The following ZCWPW2 variants were observed in gnomAD, a reference collection of about 807,000 sequenced individuals.
The protein encoded by ZCWPW2 is zinc finger CW-type PWWP domain protein 2.
Under a neutral mutation model 46.6 loss-of-function variants are expected in ZCWPW2, and 45 were observed. The observed-to-expected ratio is 0.96, with a 90% CI of 0.76 to 1.24. The LOEUF (loss-of-function observed/expected upper bound fraction) is 1.24. Ranked by LOEUF, ZCWPW2 falls within the 50% of genes most tolerant of loss-of-function variation. The probability of loss-of-function intolerance (pLI) is 0.00; values close to 1 mark genes in which losing one functional copy is unlikely to be tolerated. For synonymous variants in ZCWPW2, 152 were observed against 137.1 expected (o/e 1.11, Z -0.76); for missense variants, 429 against 403.9 (o/e 1.06, Z -0.53).
chr3:28,364,255 A>G (rs1366668624), intron 1 of ZCWPW2, among the ~76,000 whole-genome samples: 4 of 152,220 alleles, frequency 2.6e-5, no homozygotes, highest in Non-Finnish European at 5.9e-5. Context: ...TTCCATTTAT[A>G]GGCATATATC....
intron 4 of ZCWPW2, among the ~76,000 whole-genome samples, chr3:28,437,323 AAATT>A (rs1317015999): frequency 6.6e-6 from 1 of 152,194 alleles, no homozygotes; most frequent in African/African-American, 2.4e-5. Flanking sequence ...TAATTCTTCT[AAATT>A]AATTAACAAC....
At chr3:28,424,194 G>A (rs1175660769) in intron 3 of ZCWPW2, among the ~76,000 whole-genome samples, 1 of 150,050 alleles carries the variant, frequency 6.7e-6, no homozygotes, top group Non-Finnish European at 1.5e-5. Context: ...ATAGGATGTT[G>A]GCTTTCATAG....
intron 3 of ZCWPW2, among the ~76,000 whole-genome samples, chr3:28,430,163 T>G (rs2125757872): frequency 6.6e-6 from 1 of 152,306 alleles, no homozygotes; most frequent in South Asian, 2.1e-4. Context: ...GCCAGCCTGT[T>G]AAAGCAACTG....
chr3:28,448,572 G>C (rs7627778), intron 4 of ZCWPW2, among the ~76,000 whole-genome samples: 3,965 of 151,624 alleles, frequency 0.026, 150 homozygotes, highest in African/African-American at 0.085. Context: ...AACACTTGGG[G>C]CCAGGAGTTC....
chr3:28,399,098 G>T (rs1695820978), intron 2 of ZCWPW2, among the ~76,000 whole-genome samples: 1 of 152,302 alleles, frequency 6.6e-6, no homozygotes, highest in South Asian at 2.1e-4. Flanking sequence ...GTTGCTGGGG[G>T]CATGGTGGGG....
chr3:28,523,242 C>A (rs1700770013), intron 9 of ZCWPW2, among the ~76,000 whole-genome samples: 1 of 152,116 alleles, frequency 6.6e-6, no homozygotes, highest in African/African-American at 2.4e-5. Flanking sequence ...TTCATAAGCA[C>A]TCTGCACCCT....
intron 1 of ZCWPW2, among the ~76,000 whole-genome samples, chr3:28,389,752 T>C (rs566390584): frequency 6.6e-6 from 1 of 152,272 alleles, no homozygotes; most frequent in Non-Finnish European, 1.5e-5. Flanking sequence ...CTCATGCAAT[T>C]GTGGATACTT....
chr3:28,442,634 G>A (rs976870113), intron 4 of ZCWPW2, among the ~76,000 whole-genome samples: 4 of 152,232 alleles, frequency 2.6e-5, no homozygotes, highest in African/African-American at 7.2e-5. Context: ...GGAGAAAAAG[G>A]TATTTGCCAA....
rs1240699809 is a variant in ZCWPW2 at position 28,526,318 on chromosome 3, G to A, written c.*1630G>A. 2.6e-5 allele frequency among the ~76,000 whole-genome samples: 4 copies of A among 152,046 alleles called. No homozygotes were observed. The highest frequency in any genetic ancestry group is 7.2e-5 in the African/African-American group (3 of 41,406). On this transcript the variant is annotated 3_prime_UTR_variant, in exon 10 of 10. Coordinates refer to ENST00000383768, the MANE Select transcript of ZCWPW2 (RefSeq NM_001040432.4). The stretch of plus-strand genomic sequence containing the variant: ...TAATCTACTACTCATCAATATCAGA[G>A]TTCTTTCTTTCTCATTTATAAAATT...
intron 1 of ZCWPW2, among the ~76,000 whole-genome samples, chr3:28,374,348 A>G (rs1705434240): frequency 6.6e-6 from 1 of 152,020 alleles, no homozygotes; most frequent in East Asian, 1.9e-4. Context: ...TAATTAGTCT[A>G]TGGGTCTAGT....
At chr3:28,437,656 C>T (rs1697555819) in intron 4 of ZCWPW2, among the ~76,000 whole-genome samples, 1 of 152,114 alleles carries the variant, frequency 6.6e-6, no homozygotes, top group Non-Finnish European at 1.5e-5. Context: ...ATAAATGGAA[C>T]TATTCATTGA....
intron 2 of ZCWPW2, among the ~76,000 whole-genome samples, chr3:28,404,839 A>G (rs1575097968): frequency 2.0e-5 from 3 of 152,180 alleles, no homozygotes; most frequent in African/African-American, 7.2e-5. Flanking sequence ...GAGGATGCAA[A>G]GGGATAAGAA....
intron 4 of ZCWPW2, among the ~76,000 whole-genome samples, chr3:28,458,415 A>G (rs968617711): frequency 2.0e-5 from 3 of 152,220 alleles, no homozygotes; most frequent in Non-Finnish European, 2.9e-5. Flanking sequence ...TATAGAAATT[A>G]AATATATACA....
intron 2 of ZCWPW2, among the ~76,000 whole-genome samples, chr3:28,411,831 T>A (rs899292207): frequency 6.6e-6 from 1 of 152,096 alleles, no homozygotes; most frequent in Non-Finnish European, 1.5e-5. Flanking sequence ...TCTGCTAGAT[T>A]TGATTCTGTT....
intron 2 of ZCWPW2, among the ~76,000 whole-genome samples, chr3:28,409,122 C>CTTTTTTTTTTTTTTTTTTTT (rs11328735): frequency 1.2e-5 from 1 of 82,326 alleles, no homozygotes; most frequent in Non-Finnish European, 2.2e-5. Flanking sequence ...TTTTCTTTTT[C>CTTTTTTTTTTTTTTTTTTTT]TTTTTTTTTT....
intron 2 of ZCWPW2, among the ~76,000 whole-genome samples, chr3:28,397,539 A>G (rs1011208898): frequency 6.6e-6 from 1 of 152,090 alleles, no homozygotes; most frequent in East Asian, 1.9e-4. Context: ...GCTTGGTGGC[A>G]AGCACCTGTA....
intron 3 of ZCWPW2, among the ~76,000 whole-genome samples, chr3:28,414,526 A>G (rs1696561137): frequency 6.6e-6 from 1 of 150,816 alleles, no homozygotes; most frequent in South Asian, 2.1e-4. Flanking sequence ...TTACATATGT[A>G]TACACGTGCC....
At chr3:28,521,547 A>G (rs1304539625) in intron 9 of ZCWPW2, among the ~76,000 whole-genome samples, 1 of 152,196 alleles carries the variant, frequency 6.6e-6, no homozygotes, top group African/African-American at 2.4e-5. Flanking sequence ...TATCATTAAC[A>G]TACGGGAAGT....
At chr3:28,354,853 C>T (rs1420998323) in intron 1 of ZCWPW2, among the ~76,000 whole-genome samples, 1 of 105,692 alleles carries the variant, frequency 9.5e-6, no homozygotes, top group African/African-American at 3.7e-5. Context: ...GGATGTATCT[C>T]AAAATAATAA....
Sources: allele counts gnomAD v4.1 joint callset (sites outside exome capture counted in the v4.1 genomes callset), GRCh38; gene constraint gnomAD v4.1.1; transcripts MANE v1.5; gene names NCBI Gene and HGNC (gene_info 2026-07-23, HGNC 2026-07-21).